COL19A1: variants seen among roughly 807,000 people sequenced by gnomAD.
The protein encoded by COL19A1 is collagen alpha-1(XIX) chain.
Under a neutral mutation model 190.2 loss-of-function variants are expected in COL19A1, and 159 were observed. That is an observed-to-expected ratio of 0.84 (90% CI 0.73 to 0.95). The LOEUF is 0.95. Ranked by LOEUF, COL19A1 falls within the 40% of genes least tolerant of loss-of-function variation. The probability of loss-of-function intolerance (pLI) is 0.00; values close to 1 mark genes in which losing one functional copy is unlikely to be tolerated. For missense variants in COL19A1, 1,418 were observed against 1,431.9 expected, an observed-to-expected ratio of 0.99 and a Z score of 0.16; for synonymous variants, 509 against 458.9, an observed-to-expected ratio of 1.11 and a Z score of -1.39.
chr6:70,092,567 C>A (rs759328117), intron 15 of COL19A1, among the ~76,000 whole-genome samples: 6 of 152,104 alleles, frequency 3.9e-5, no homozygotes, highest in Admixed American at 2.6e-4. Flanking sequence ...CCATTAAATT[C>A]ACTTCAATTA....
intron 6 of COL19A1, among the ~76,000 whole-genome samples, chr6:69,930,545 G>T (rs959629944): frequency 4.6e-5 from 7 of 152,136 alleles, no homozygotes; most frequent in East Asian, 1.9e-4. Context: ...CGGGCTAGGC[G>T]CAGTGGCTCA....
intron 30 of COL19A1, among the ~76,000 whole-genome samples, chr6:70,150,467 A>T (rs905974981): frequency 2.0e-5 from 3 of 152,178 alleles, no homozygotes; most frequent in Non-Finnish European, 2.9e-5. Context: ...TGTTGCGATG[A>T]TTAAATTATG....
chr6:69,918,637 T>C (rs979528974), intron 4 of COL19A1, among the ~76,000 whole-genome samples: 2 of 151,564 alleles, frequency 1.3e-5, no homozygotes, highest in African/African-American at 2.4e-5. Flanking sequence ...GCCTGGGAGG[T>C]TGAGGCTGCA....
chr6:70,166,017 C>T, intron 37 of COL19A1, 32 bp downstream of exon 37: 1 of 1,593,326 alleles, frequency 6.3e-7, no homozygotes, highest in Non-Finnish European at 8.6e-7. Context: ...ATTTAAAATT[C>T]ATGTGTTTAC....
At position 70,165,663 on chromosome 6, in the gene COL19A1, A is replaced by AC. The variant is rs1427907723; in HGVS notation, c.2401-276dup. Among the ~76,000 whole-genome samples, 18 of 152,118 alleles carry AC rather than the reference A, an allele frequency of 1.2e-4. No homozygotes were observed. The South Asian group carries it at 2.9e-3, about 25-fold the overall frequency. On this transcript the variant is annotated intron_variant, in intron 36 of 50. Transcript: ENST00000620364. ...TGCACTGGAAGTCCAGGACATGAGC[A>AC]CCTGGGTTGTCTGGCTCCATCTAAA...
rs1786471685 is a variant in COL19A1, at chr6:70,144,347, C to T, written c.1680+84C>T. 2.5e-6 allele frequency: 3 copies of T among 1,205,984 alleles called. No homozygotes were observed. The African/African-American group carries it at 4.6e-5, about 18-fold the overall frequency. 74.7% of individuals were successfully genotyped at this position (1,205,984 alleles called of 1,614,324 possible). ...ATCATAAGGGAGATGAAAGGACAGCCCAGGGCTTCTGGGATTGTACAGATT... is the reference window on the plus strand; with the variant it reads ...ATCATAAGGGAGATGAAAGGACAGCTCAGGGCTTCTGGGATTGTACAGATT... On this transcript the variant is annotated intron_variant, in intron 24 of 50. Transcript: ENST00000620364.
chr6:69,926,743 G>C (rs1050130618), intron 4 of COL19A1, among the ~76,000 whole-genome samples: 1 of 151,960 alleles, frequency 6.6e-6, no homozygotes. Flanking sequence ...TTTGGTAAAA[G>C]GTATTAACTT....
chr6:70,154,737 G>A (rs925887001), intron 31 of COL19A1, among the ~76,000 whole-genome samples: 6 of 152,164 alleles, frequency 3.9e-5, no homozygotes, highest in East Asian at 1.9e-4. Context: ...GTCTGTGGCC[G>A]AAGGCCTGAG....
intron 9 of COL19A1, among the ~76,000 whole-genome samples, chr6:69,958,864 T>G (rs932234610): frequency 5.3e-5 from 8 of 152,114 alleles, no homozygotes; most frequent in Admixed American, 5.2e-4. Flanking sequence ...TTTAAAGATG[T>G]GACTTTTTTC....
chr6:69,920,322 T>A (rs1044436033), intron 4 of COL19A1, among the ~76,000 whole-genome samples: 1 of 152,190 alleles, frequency 6.6e-6, no homozygotes, highest in Non-Finnish European at 1.5e-5. Context: ...TCCCCGAAGT[T>A]TCATATGGTT....
chr6:69,982,971 C>CAAAA (rs1410174625), intron 11 of COL19A1, among the ~76,000 whole-genome samples: 1 of 107,068 alleles, frequency 9.3e-6, no homozygotes, highest in Non-Finnish European at 2.0e-5. Context: ...GACTCTGTCT[C>CAAAA]AAAAATAAAT....
intron 14 of COL19A1, among the ~76,000 whole-genome samples, chr6:70,052,890 G>C (rs1780287097): frequency 6.6e-6 from 1 of 152,134 alleles, no homozygotes; most frequent in Non-Finnish European, 1.5e-5. Context: ...TATCTTTAGA[G>C]AATTCATCTT....
chr6:70,161,006 A>G (rs1288019348), intron 34 of COL19A1, among the ~76,000 whole-genome samples: 3 of 152,168 alleles, frequency 2.0e-5, no homozygotes, highest in Non-Finnish European at 4.4e-5. Flanking sequence ...AACAAAACTA[A>G]TTACATAAGT....
chr6:69,921,459 A>ATCATATATTCATATATTCATATATAT lies in COL19A1; in HGVS notation c.267-6442_267-6441insTCATATATTCATATATATTCATATAT, dbSNP rs1561998438. ...ATCATATATATCATATATCATATAT[A>ATCATATATTCATATATTCATATATAT]TCATATATATTCATATATTCATATA... On this transcript the variant is annotated intron_variant, in intron 4 of 50. Coordinates refer to ENST00000620364, the MANE Select transcript of COL19A1 (RefSeq NM_001858.6). Among the ~76,000 whole-genome samples the ATCATATATTCATATATTCATATATAT allele has an allele frequency of 2.8e-4, 6 of 21,270 alleles. 1 individual carries two copies. The highest frequency in any genetic ancestry group is 9.7e-4 in the African/African-American group (6 of 6,182). 14.0% of individuals were successfully genotyped at this position (21,270 alleles called of 152,430 possible). A position where few individuals can be genotyped will look rare whatever the true frequency, so the allele number is the denominator to read the frequency against.
At chr6:69,904,728 T>C (rs762678349) in intron 4 of COL19A1, among the ~76,000 whole-genome samples, 12 of 152,122 alleles carry the variant, frequency 7.9e-5, no homozygotes, top group Non-Finnish European at 1.6e-4. Context: ...AGGCTCAAGG[T>C]CAAACTTACA....
At chr6:69,957,651 T>C (rs1403070489) in intron 9 of COL19A1, among the ~76,000 whole-genome samples, 1 of 152,144 alleles carries the variant, frequency 6.6e-6, no homozygotes, top group East Asian at 1.9e-4. Context: ...AAAGTATTGA[T>C]TGGAAGCCAA....
intron 11 of COL19A1, among the ~76,000 whole-genome samples, chr6:69,997,179 C>A (rs920189381): frequency 6.6e-6 from 1 of 152,038 alleles, no homozygotes; most frequent in African/African-American, 2.4e-5. Flanking sequence ...GAAAGGACTG[C>A]AACATTGAAT....
intron 48 of COL19A1, among the ~76,000 whole-genome samples, chr6:70,194,310 TGGGGCTTCCCAG>T (rs1488621023): frequency 6.6e-6 from 1 of 152,190 alleles, no homozygotes; most frequent in African/African-American, 2.4e-5. Flanking sequence ...TTAACCCCTT[TGGGGCTTCCCAG>T]GTGACCCACC....
chr6:69,952,183 A>AAATGAGAGGGTT (rs1280821079), intron 9 of COL19A1, among the ~76,000 whole-genome samples: 1 of 151,908 alleles, frequency 6.6e-6, no homozygotes, highest in Non-Finnish European at 1.5e-5. Flanking sequence ...GTTTTTCACC[A>AAATGAGAGGGTT]AATGAGAGGG....
Sources: gnomAD v4.1 joint callset for allele counts (sites outside exome capture counted in the v4.1 genomes callset) on GRCh38, gnomAD v4.1.1 for gene constraint, MANE v1.5 for transcripts, NCBI Gene and HGNC (gene_info 2026-07-23, HGNC 2026-07-21) for gene names.